The following SRBD1 variants were observed in gnomAD, a reference collection of about 807,000 sequenced individuals.
SRBD1 encodes S1 RNA binding domain 1.
Under a neutral mutation model 115.3 loss-of-function variants are expected in SRBD1, and 88 were observed. The ratio of observed to expected loss-of-function variants is 0.76; its 90% CI spans 0.64 to 0.91. SRBD1 has a LOEUF of 0.91. Ranked by LOEUF, SRBD1 falls within the 40% of genes least tolerant of loss-of-function variation. The probability of loss-of-function intolerance (pLI) is 0.00; values close to 1 mark genes in which losing one functional copy is unlikely to be tolerated. For synonymous variants in SRBD1, 509 were observed against 407.7 expected, an observed-to-expected ratio of 1.25 and a Z score of -2.99; for missense variants, 1,385 against 1,177.4, an observed-to-expected ratio of 1.18 and a Z score of -2.58.
chr2:45,404,614 G>A (rs1228180107), intron 19 of SRBD1, among the ~76,000 whole-genome samples: 2 of 152,126 alleles, frequency 1.3e-5, no homozygotes, highest in African/African-American at 4.8e-5. Flanking sequence ...GTCTTCTGCT[G>A]TATCATCTGG....
At chr2:45,589,017 TATAAA>T (rs1673633877) in intron 4 of SRBD1, among the ~76,000 whole-genome samples, 1 of 152,162 alleles carries the variant, frequency 6.6e-6, no homozygotes, top group East Asian at 1.9e-4. Context: ...AAACAGAACT[TATAAA>T]ATGTCTGTTC....
chr2:45,600,947 A>T (rs1252462693), intron 3 of SRBD1, among the ~76,000 whole-genome samples: 1 of 152,222 alleles, frequency 6.6e-6, no homozygotes, highest in African/African-American at 2.4e-5. Context: ...CACCATCTGA[A>T]CTTGAAAATA....
intron 15 of SRBD1, among the ~76,000 whole-genome samples, chr2:45,478,703 C>T (rs1485073188): frequency 6.6e-6 from 1 of 152,136 alleles, no homozygotes; most frequent in Non-Finnish European, 1.5e-5. Context: ...TTTAGCCTAA[C>T]ATTTAAATGT....
intron 7 of SRBD1, among the ~76,000 whole-genome samples, chr2:45,578,171 A>C (rs1416747212): frequency 6.6e-6 from 1 of 152,216 alleles, no homozygotes; most frequent in Non-Finnish European, 1.5e-5. Flanking sequence ...AGAAAAATAA[A>C]AATAAAAGCA....
chr2:45,561,661 G>A (rs1318825745), intron 10 of SRBD1, among the ~76,000 whole-genome samples: 2 of 152,110 alleles, frequency 1.3e-5, no homozygotes, highest in African/African-American at 4.8e-5. Context: ...CTAAGTGGTG[G>A]CTACAAAATC....
intron 14 of SRBD1, among the ~76,000 whole-genome samples, chr2:45,545,566 C>T (rs1011501325): frequency 6.6e-6 from 1 of 152,034 alleles, no homozygotes; most frequent in African/African-American, 2.4e-5. Flanking sequence ...ATAAACTGAA[C>T]CAGCTACATC....
chr2:45,429,257 A>G (rs896872536), intron 16 of SRBD1, among the ~76,000 whole-genome samples: 3 of 152,190 alleles, frequency 2.0e-5, no homozygotes, highest in African/African-American at 7.2e-5. Context: ...AACCATTCCA[A>G]ACAACAGAAA....
At chr2:45,439,131 T>C (rs1460027164) in intron 16 of SRBD1, among the ~76,000 whole-genome samples, 1 of 151,882 alleles carries the variant, frequency 6.6e-6, no homozygotes, top group Admixed American at 6.6e-5. Context: ...CTTGTCAACC[T>C]CAAATTCTAT....
chr2:45,508,228 GGAAAA>G (rs1292379699), intron 14 of SRBD1, among the ~76,000 whole-genome samples: 5 of 151,960 alleles, frequency 3.3e-5, no homozygotes, highest in Non-Finnish European at 7.4e-5. Context: ...AGGTAAAAGA[GGAAAA>G]GAAAAGTTAC....
intron 16 of SRBD1, among the ~76,000 whole-genome samples, chr2:45,423,777 C>G (rs1668074540): frequency 6.6e-6 from 1 of 152,046 alleles, no homozygotes; most frequent in Non-Finnish European, 1.5e-5. Context: ...CTATGAATAC[C>G]AGTTCAAAAA....
intron 1 of SRBD1, among the ~76,000 whole-genome samples, chr2:45,607,474 T>A (rs1288731351): frequency 6.6e-6 from 1 of 152,180 alleles, no homozygotes; most frequent in Non-Finnish European, 1.5e-5. Flanking sequence ...TTCACACTAT[T>A]GAGGGGAGAT....
intron 14 of SRBD1, among the ~76,000 whole-genome samples, chr2:45,494,467 A>G (rs1273046142): frequency 6.6e-6 from 1 of 152,178 alleles, no homozygotes; most frequent in Non-Finnish European, 1.5e-5. Flanking sequence ...GAAGATCTCA[A>G]GCAATGACAT....
intron 16 of SRBD1, among the ~76,000 whole-genome samples, chr2:45,470,809 C>G (rs1029378784): frequency 2.0e-5 from 3 of 152,172 alleles, no homozygotes; most frequent in Admixed American, 2.0e-4. Context: ...TTTGACCACA[C>G]TGGCTGCCTC....
chr2:45,525,974 G>A (rs1298498917), intron 14 of SRBD1, among the ~76,000 whole-genome samples: 1 of 151,960 alleles, frequency 6.6e-6, no homozygotes, highest in East Asian at 1.9e-4. Flanking sequence ...GGTAACCATG[G>A]CAGGTTGTAG....
intron 16 of SRBD1, among the ~76,000 whole-genome samples, chr2:45,463,801 A>G (rs1464899803): frequency 1.3e-5 from 2 of 152,178 alleles, no homozygotes. Flanking sequence ...CAAACTATGC[A>G]TCCACACACA....
chr2:45,399,843 A>G (rs1256332268), intron 19 of SRBD1, among the ~76,000 whole-genome samples: 3 of 152,204 alleles, frequency 2.0e-5, no homozygotes, highest in Non-Finnish European at 4.4e-5. Flanking sequence ...TAGAATTAAT[A>G]TAATTTAATT....
chr2:45,463,667 A>C (rs548366577), intron 16 of SRBD1, among the ~76,000 whole-genome samples: 1 of 152,330 alleles, frequency 6.6e-6, no homozygotes, highest in East Asian at 1.9e-4. Context: ...CATTACATCC[A>C]AGATTGTTAG....
chr2:45,402,490 A>G (rs3755071), intron 19 of SRBD1, among the ~76,000 whole-genome samples: 34,944 of 152,118 alleles, frequency 0.23, 4,088 homozygotes, highest in South Asian at 0.3. Context: ...ATTGATACAA[A>G]TCATTCCTTG....
intron 18 of SRBD1, among the ~76,000 whole-genome samples, chr2:45,414,607 T>A (rs753258859): frequency 7.2e-6 from 1 of 139,622 alleles, no homozygotes. Flanking sequence ...ATAGTGTGTA[T>A]AGTGTGTGTA....
Sources: allele counts gnomAD v4.1 joint callset (sites outside exome capture counted in the v4.1 genomes callset), GRCh38; gene constraint gnomAD v4.1.1; transcripts MANE v1.5; gene names NCBI Gene and HGNC (gene_info 2026-07-23, HGNC 2026-07-21).